Variants in TCAIM observed in about 807,000 individuals in gnomAD.
TCAIM encodes T cell activation inhibitor, mitochondrial.
In TCAIM, 36 loss-of-function variants were observed where a neutral mutation model predicts 58.6. The ratio of observed to expected loss-of-function variants is 0.61; its 90% CI spans 0.47 to 0.81. TCAIM has a LOEUF of 0.81. TCAIM is among the 30% of genes least tolerant of loss of function. The pLI, the probability that TCAIM is intolerant of heterozygous loss-of-function variation, is 0.00. For missense variants in TCAIM, 466 were observed against 579.6 expected (o/e 0.80, Z 2.01); for synonymous variants, 172 against 193.6 (o/e 0.89, Z 0.93).
intron 1 of TCAIM, among the ~76,000 whole-genome samples, chr3:44,342,217 C>T (rs183311427): frequency 1.3e-5 from 2 of 152,252 alleles, no homozygotes; most frequent in Non-Finnish European, 2.9e-5. Context: ...TCAAAGTATT[C>T]TCTCAGTTAA....
chr3:44,401,233 C>A lies in TCAIM; in HGVS notation c.1149C>A (p.Leu383=), dbSNP rs778191796. The A allele has an allele frequency of 1.2e-5, 20 of 1,613,794 alleles. No individual in the cohort carries two copies. Among genetic ancestry groups the A allele is most frequent in the Non-Finnish European group, 1.6e-5 (19 of 1,179,960 alleles). The change falls in exon 10 of 11, where the codon CTC becomes CTA. Residue 383 remains leucine (L), a synonymous_variant. Transcript: ENST00000342649. The part of the protein sequence containing the change: ...SDRYAPSLHE[L]GHFNIPTLCD... Reference sequence around the variant, plus strand: ...GATATGCTCCAAGCTTGCATGAACTCGGGCATTTTAATATTCCAACACTCT... The same window carrying A: ...GATATGCTCCAAGCTTGCATGAACTAGGGCATTTTAATATTCCAACACTCT...
At chr3:44,382,873 A>G (rs7634748) in intron 5 of TCAIM, among the ~76,000 whole-genome samples, 76,294 of 152,000 alleles carry the variant, frequency 0.5, 20,051 homozygotes, top group East Asian at 0.81. Flanking sequence ...AGAATAAATA[A>G]AGAACTCCTA....
chr3:44,405,138 T>G (rs1317186309), intron 10 of TCAIM, among the ~76,000 whole-genome samples: 1 of 152,150 alleles, frequency 6.6e-6, no homozygotes, highest in East Asian at 1.9e-4. Context: ...GGTGATAACC[T>G]AGTTCACAGT....
chr3:44,401,473 T>C (rs1038330078), intron 10 of TCAIM, 139 bp downstream of exon 10: 2 of 1,092,796 alleles, frequency 1.8e-6, no homozygotes, highest in Non-Finnish European at 2.5e-6. Context: ...TCCATATTTA[T>C]TTCTTCCCTA....
intron 5 of TCAIM, among the ~76,000 whole-genome samples, chr3:44,377,268 CA>C (rs1286225107): frequency 1.3e-5 from 2 of 151,848 alleles, no homozygotes; most frequent in African/African-American, 4.8e-5. Context: ...AAAAAGATTA[CA>C]AGAGAAAAGA....
At chr3:44,377,271 GAGAAA>G (rs1336751501) in intron 5 of TCAIM, among the ~76,000 whole-genome samples, 6 of 151,976 alleles carry the variant, frequency 3.9e-5, no homozygotes, top group East Asian at 3.9e-4. Flanking sequence ...AAGATTACAA[GAGAAA>G]AGAAGATTAT....
At chr3:44,400,206 T>C (rs1247194993) in intron 8 of TCAIM, 149 bp from the exon 9 acceptor site, 8 of 619,030 alleles carry the variant, frequency 1.3e-5, no homozygotes, top group Non-Finnish European at 1.9e-5. Context: ...CAGCATTACA[T>C]TAAGTTTTTT....
chr3:44,352,150 T>G (rs796224048), intron 1 of TCAIM, among the ~76,000 whole-genome samples: 1 of 150,960 alleles, frequency 6.6e-6, no homozygotes. Context: ...GAATAGGACT[T>G]TAGCCATGTG....
intron 1 of TCAIM, among the ~76,000 whole-genome samples, chr3:44,344,942 G>A (rs984095814): frequency 6.6e-6 from 1 of 152,056 alleles, no homozygotes; most frequent in Non-Finnish European, 1.5e-5. Flanking sequence ...AGCAGGAACC[G>A]GCCATTTTCA....
At chr3:44,372,601 T>A (rs1158055381) in intron 5 of TCAIM, among the ~76,000 whole-genome samples, 1 of 151,822 alleles carries the variant, frequency 6.6e-6, no homozygotes, top group Non-Finnish European at 1.5e-5. Context: ...TTTTTTTTTT[T>A]CTTTTTTTAA....
intron 1 of TCAIM, among the ~76,000 whole-genome samples, chr3:44,350,706 G>A (rs1181408429): frequency 1.3e-5 from 2 of 152,174 alleles, no homozygotes; most frequent in African/African-American, 4.8e-5. Context: ...GGGATTACAA[G>A]TGGGGACCAT....
intron 1 of TCAIM, chr3:44,340,323 T>A (rs1700830958): frequency 6.6e-6 from 1 of 152,208 alleles, no homozygotes; most frequent in Admixed American, 6.5e-5. Context: ...CTAATTTAGC[T>A]TCCCCAAGGC....
chr3:44,373,737 TA>T (rs1370423968), intron 5 of TCAIM, among the ~76,000 whole-genome samples: 1 of 151,982 alleles, frequency 6.6e-6, no homozygotes, highest in Non-Finnish European at 1.5e-5. Flanking sequence ...TGTTCCAGTC[TA>T]AAAAAAATTA....
intron 6 of TCAIM, 99 bp downstream of exon 6, chr3:44,393,076 C>G: frequency 1.0e-6 from 1 of 985,136 alleles, no homozygotes; most frequent in South Asian, 1.6e-5. Flanking sequence ...TTTAATTGCT[C>G]TGATAACTGA....
chr3:44,384,849 T>C (rs750009769), intron 5 of TCAIM, among the ~76,000 whole-genome samples: 30 of 152,216 alleles, frequency 2.0e-4, no homozygotes, highest in Admixed American at 3.3e-4. Flanking sequence ...CCTTAATAGC[T>C]CATGCATTGT....
chr3:44,353,092 G>A (rs2125629920), intron 1 of TCAIM, among the ~76,000 whole-genome samples: 1 of 151,780 alleles, frequency 6.6e-6, no homozygotes, highest in African/African-American at 2.4e-5. Context: ...GCTAATTTTT[G>A]TATTTTTTAG....
chr3:44,368,161 C>A (rs761546458), intron 5 of TCAIM, among the ~76,000 whole-genome samples: 13 of 152,198 alleles, frequency 8.5e-5, no homozygotes, highest in Non-Finnish European at 1.8e-4. Context: ...ACATGGTGAC[C>A]AAATTATTAA....
intron 6 of TCAIM, among the ~76,000 whole-genome samples, chr3:44,393,749 C>T (rs1309342156): frequency 1.3e-5 from 2 of 151,836 alleles, no homozygotes; most frequent in African/African-American, 2.4e-5. Context: ...ATAGCGAGAC[C>T]TCATCTCTAA....
intron 4 of TCAIM, chr3:44,362,930 A>G (rs1055751764): frequency 2.0e-5 from 3 of 152,298 alleles, no homozygotes; most frequent in African/African-American, 7.2e-5. Context: ...AACATCTTAC[A>G]TATATGTAGT....
Sources: gnomAD v4.1 joint callset for allele counts (sites outside exome capture counted in the v4.1 genomes callset) on GRCh38, gnomAD v4.1.1 for gene constraint, MANE v1.5 for transcripts, NCBI Gene and HGNC (gene_info 2026-07-23, HGNC 2026-07-21) for gene names.